KALRN: variants seen among roughly 807,000 people sequenced by gnomAD.
The protein encoded by KALRN is kalirin.
A neutral mutation model predicts 353.7 loss-of-function variants in KALRN; 70 were observed. The observed-to-expected ratio is 0.20, with a 90% CI of 0.16 to 0.24. The LOEUF (loss-of-function observed/expected upper bound fraction) is 0.24. Ranked by LOEUF, KALRN falls within the 10% of genes least tolerant of loss-of-function variation. The pLI, the probability that KALRN is intolerant of heterozygous loss-of-function variation, is 1.00. For missense variants in KALRN, 2,791 were observed against 3,756.7 expected (o/e 0.74, Z 6.72); for synonymous variants, 1,391 against 1,434.8 (o/e 0.97, Z 0.69).
rs2063403670 is a variant in KALRN at position 124,725,119 on chromosome 3, T to G, written c.*5649T>G. On this transcript the variant is annotated 3_prime_UTR_variant, in exon 60 of 60. Transcript: ENST00000682506. ...GGCCCAGGGATGGCCATCATATGAG[T>G]TTCCATCAATACCTGACTTCCATCA... 1 of 152,138 alleles carries G rather than the reference T, an allele frequency of 6.6e-6. No individual in the cohort carries two copies. The highest frequency in any genetic ancestry group is 2.4e-5 in the African/African-American group (1 of 41,432). 9.4% of individuals were successfully genotyped at this position (152,138 alleles called of 1,614,324 possible).
At chr3:124,146,303 T>C (rs756648048) in intron 1 of KALRN, among the ~76,000 whole-genome samples, 1 of 152,220 alleles carries the variant, frequency 6.6e-6, no homozygotes, top group Non-Finnish European at 1.5e-5. Flanking sequence ...TTAGAAACTT[T>C]ATAGCAATTT....
In KALRN at chr3:124,255,684, C is replaced by T. The variant is rs2071857301; in HGVS notation, c.264-8814C>T. 4.6e-5 allele frequency among the ~76,000 whole-genome samples: 7 copies of T among 152,144 alleles called. No homozygotes were observed. In the South Asian group the frequency reaches 1.4e-3, roughly 32 times the overall value. ...CCATGACAGTTGCCACGTGGGAAAG[C>T]ACAGGGTCATGGCAATGCATAGGAA... is the stretch of plus-strand genomic sequence containing the variant. On this transcript the variant is annotated intron_variant, in intron 3 of 59. Coordinates refer to ENST00000682506, the MANE Select transcript of KALRN (RefSeq NM_001388419.1).
At chr3:124,043,824 G>C (rs2040184065) in intron 1 of KALRN, among the ~76,000 whole-genome samples, 1 of 152,172 alleles carries the variant, frequency 6.6e-6, no homozygotes, top group Non-Finnish European at 1.5e-5. Context: ...GCTCTAGGCT[G>C]TAGTGGGGTC....
chr3:124,479,597 G>T (rs968358038), intron 27 of KALRN, among the ~76,000 whole-genome samples: 1 of 151,880 alleles, frequency 6.6e-6, no homozygotes, highest in African/African-American at 2.4e-5. Context: ...TTTGCTTTAG[G>T]CCCTCATTCT....
chr3:124,175,699 C>T lies in KALRN; in HGVS notation c.74-52291C>T, dbSNP rs190285355. On this transcript the variant is annotated intron_variant, in intron 1 of 59. Transcript: ENST00000682506. ...TGTGGAGATGTGCGCTGCCCAGGGT[C>T]CAGGCCTGCTCTCCAGGATGTGGAA... Among the ~76,000 whole-genome samples the T allele has an allele frequency of 4.7e-3, 717 of 152,252 alleles. 2 individuals carry two copies. Among genetic ancestry groups the T allele is most frequent in the Non-Finnish European group, 7.5e-3 (510 of 68,020 alleles).
At chr3:124,706,589 AGACAGAGTCTC>A (rs1325096906) in intron 57 of KALRN, among the ~76,000 whole-genome samples, 13 of 145,378 alleles carry the variant, frequency 8.9e-5, no homozygotes, top group African/African-American at 3.4e-4. Flanking sequence ...TTTTTTTTTG[AGACAGAGTCTC>A]GCTCTGTCTC....
intron 33 of KALRN, among the ~76,000 whole-genome samples, chr3:124,549,195 T>C (rs2070116927): frequency 1.4e-5 from 1 of 69,104 alleles, no homozygotes; most frequent in Admixed American, 1.0e-4. Flanking sequence ...CACCATGATG[T>C]AGTCTATAAG....
At chr3:124,043,723 C>T (rs2040171700) in intron 1 of KALRN, among the ~76,000 whole-genome samples, 1 of 152,068 alleles carries the variant, frequency 6.6e-6, no homozygotes, top group Admixed American at 6.5e-5. Context: ...GGCTCTTGGG[C>T]AGAGAAGCTA....
chr3:124,414,131 C>G (rs561458880), intron 14 of KALRN, among the ~76,000 whole-genome samples: 27 of 152,152 alleles, frequency 1.8e-4, no homozygotes, highest in African/African-American at 6.3e-4. Context: ...GCCATGAGAG[C>G]TGGAATAGTG....
chr3:124,676,137 C>T (rs1201706049), intron 49 of KALRN, among the ~76,000 whole-genome samples: 1 of 152,232 alleles, frequency 6.6e-6, no homozygotes, highest in Admixed American at 6.5e-5. Context: ...TATCCAGGCA[C>T]TAAACACTTC....
intron 1 of KALRN, among the ~76,000 whole-genome samples, chr3:124,058,411 G>C (rs543718726): frequency 1.3e-5 from 2 of 152,008 alleles, no homozygotes; most frequent in Admixed American, 6.6e-5. Flanking sequence ...ATTTTGTTGG[G>C]TGGGCCAAAG....
chr3:124,229,172 A>G (rs2078891647), intron 2 of KALRN, among the ~76,000 whole-genome samples: 2 of 152,214 alleles, frequency 1.3e-5, no homozygotes, highest in South Asian at 2.1e-4. Context: ...TTGAGTAGCT[A>G]TTGCAGAGAC....
chr3:124,341,876 T>C (rs2081762017), intron 9 of KALRN, among the ~76,000 whole-genome samples: 1 of 152,062 alleles, frequency 6.6e-6, no homozygotes, highest in Non-Finnish European at 1.5e-5. Context: ...AGGCAGAGCT[T>C]AAAGGATAAG....
At chr3:124,437,203 A>T in intron 17 of KALRN, among the ~76,000 whole-genome samples, 1 of 152,044 alleles carries the variant, frequency 6.6e-6, no homozygotes, top group African/African-American at 2.4e-5. Context: ...GGGACTAGAG[A>T]AGTCACCTCA....
intron 27 of KALRN, among the ~76,000 whole-genome samples, chr3:124,481,258 G>C (rs1208656625): frequency 6.6e-6 from 1 of 152,118 alleles, no homozygotes; most frequent in African/African-American, 2.4e-5. Context: ...TCCAGGTTGA[G>C]TGCAGTGGTG....
At position 124,707,431 on chromosome 3, in the gene KALRN, T is replaced by TTCCTTCCC. The variant is rs796220047; in HGVS notation, c.8075+5322_8075+5323insCTCCTTCC. ...CTTCCTTCCTTCCTTCCTTCCTTCC[T>TTCCTTCCC]TCCTTCCTTCCTTCCCTCCTTCCTT... On this transcript the variant is annotated intron_variant, in intron 57 of 59. Transcript: ENST00000682506. Among the ~76,000 whole-genome samples the TTCCTTCCC allele has an allele frequency of 7.0e-3, 935 of 133,402 alleles. 28 individuals are homozygous for TTCCTTCCC. In the East Asian group the frequency reaches 0.1, roughly 15 times the overall value. The allele number at this position is 133,402 out of a possible 152,430, so 87.5% of individuals were successfully genotyped here.
intron 1 of KALRN, among the ~76,000 whole-genome samples, chr3:124,123,462 G>A (rs1318966765): frequency 6.6e-6 from 1 of 152,188 alleles, no homozygotes; most frequent in Non-Finnish European, 1.5e-5. Context: ...GGTGAGAGAG[G>A]GGAGGAAGCT....
chr3:124,292,815 A>T (rs1475854991), intron 5 of KALRN, among the ~76,000 whole-genome samples: 1 of 152,226 alleles, frequency 6.6e-6, no homozygotes, highest in African/African-American at 2.4e-5. Context: ...TGCAGATTTC[A>T]GAATCTATCA....
At chr3:124,052,922 A>G (rs1034727255) in intron 1 of KALRN, among the ~76,000 whole-genome samples, 1 of 152,170 alleles carries the variant, frequency 6.6e-6, no homozygotes, top group Non-Finnish European at 1.5e-5. Context: ...AAGGTGAGCA[A>G]AGGGAGAGAG....
Sources: gnomAD v4.1 joint callset for allele counts (sites outside exome capture counted in the v4.1 genomes callset) on GRCh38, gnomAD v4.1.1 for gene constraint, MANE v1.5 for transcripts, NCBI Gene and HGNC (gene_info 2026-07-23, HGNC 2026-07-21) for gene names.